The following NCAPH2 variants were observed in gnomAD, a reference collection of about 807,000 sequenced individuals.
NCAPH2 encodes condensin-2 complex subunit H2.
A neutral mutation model predicts 88.6 loss-of-function variants in NCAPH2; 56 were observed. The ratio of observed to expected loss-of-function variants is 0.63; its 90% CI spans 0.51 to 0.79. The LOEUF (loss-of-function observed/expected upper bound fraction) is 0.79, where lower values mean the gene tolerates loss of function less well. NCAPH2 is among the 30% of genes least tolerant of loss of function. The pLI, the probability that NCAPH2 is intolerant of heterozygous loss-of-function variation, is 0.00. For missense variants in NCAPH2, 794 were observed against 792.0 expected, an observed-to-expected ratio of 1.00 and a Z score of -0.03; for synonymous variants, 378 against 313.6, an observed-to-expected ratio of 1.21 and a Z score of -2.17.
In NCAPH2 at chr22:50,523,686, G is replaced by A; in HGVS notation, c.*311G>A. On this transcript the variant is annotated 3_prime_UTR_variant, in exon 20 of 20. Transcript: ENST00000420993. ...AGATCTGCTCAGCCGATCTGCTCCG[G>A]CCGTAGTAATCCGTGAAGAGGCCGT... 1 of 1,614,150 alleles carries A rather than the reference G, an allele frequency of 6.2e-7. No individual in the cohort carries two copies. The highest frequency in any genetic ancestry group is 8.5e-7 in the Non-Finnish European group (1 of 1,180,024).
Position 50,523,402 on chromosome 22 carries a change from G to A in NCAPH2, c.*27G>A. On this transcript the variant is annotated 3_prime_UTR_variant, in exon 20 of 20. Transcript: ENST00000420993. ...TGGGGAGCACCGAGGCAGGGGTGGGGGAATGTGTACTGAGGAGCCGTGTGT... is the reference window on the plus strand; with the variant it reads ...TGGGGAGCACCGAGGCAGGGGTGGGAGAATGTGTACTGAGGAGCCGTGTGT... 1.3e-6 allele frequency: 2 copies of A among 1,531,820 alleles called. No individual in the cohort carries two copies. Among genetic ancestry groups the A allele is most frequent in the East Asian group, 4.9e-5 (2 of 40,730 alleles). 94.9% of individuals were successfully genotyped at this position (1,531,820 alleles called of 1,614,324 possible).
chr22:50,516,666 A>G (rs1486202095), intron 2 of NCAPH2, 118 bp downstream of exon 2: 1 of 831,368 alleles, frequency 1.2e-6, no homozygotes, highest in South Asian at 1.5e-5. Context: ...CTCTCTCCTC[A>G]GGTCTCAGCC....
rs796957215 is a variant in NCAPH2 at position 50,521,436 on chromosome 22, A to AC, written c.934-102dup. Reference sequence around the variant, plus strand: ...TCCTCCTTTGGGAGCGCGGCTGTGTACCCCCTACTCTTCCTTTGGGAGGGT... The same window carrying AC: ...TCCTCCTTTGGGAGCGCGGCTGTGTACCCCCCTACTCTTCCTTTGGGAGGGT... On this transcript the variant is annotated intron_variant, in intron 10 of 19. Coordinates refer to ENST00000420993, the MANE Select transcript of NCAPH2 (RefSeq NM_152299.4). 24 of 1,172,658 alleles carry AC rather than the reference A, an allele frequency of 2.0e-5. No homozygotes were observed. In the African/African-American group the frequency reaches 3.8e-4, roughly 19 times the overall value. 72.6% of individuals were successfully genotyped at this position (1,172,658 alleles called of 1,614,324 possible).
chr22:50,524,190 G>T lies in NCAPH2; in HGVS notation c.*815G>T, dbSNP rs770740636. 6.2e-7 allele frequency: 1 copy of T among 1,609,152 alleles called. No individual in the cohort carries two copies. Among genetic ancestry groups the T allele is most frequent in the Non-Finnish European group, 8.5e-7 (1 of 1,179,938 alleles). On this transcript the variant is annotated 3_prime_UTR_variant, in exon 20 of 20. Transcript: ENST00000420993. ...CCTTCTCAGCCCTCAGGGCCAGCCAGGCCCCACCGAGTCCAGCCCCGAACA... is the reference window on the plus strand; with the variant it reads ...CCTTCTCAGCCCTCAGGGCCAGCCATGCCCCACCGAGTCCAGCCCCGAACA...
Position 50,524,665 on chromosome 22 carries a change from C to A in NCAPH2, c.*1290C>A, listed in dbSNP as rs1435426639. The A allele has an allele frequency of 1.2e-5, 8 of 688,712 alleles. No individual in the cohort carries two copies. The East Asian group carries it at 2.3e-4, about 20-fold the overall frequency. 42.7% of individuals were successfully genotyped at this position (688,712 alleles called of 1,614,324 possible). On this transcript the variant is annotated 3_prime_UTR_variant, in exon 20 of 20. Transcript: ENST00000420993. ...ATCACCAGCCTGTCACCGCACCCTG[C>A]CCTGCACCTGCACCTCAGCAAGGTG... is the stretch of plus-strand genomic sequence containing the variant.
intron 1 of NCAPH2, among the ~76,000 whole-genome samples, chr22:50,509,924 T>TTTTA (rs1466459013): frequency 1.3e-5 from 2 of 152,130 alleles, no homozygotes; most frequent in Non-Finnish European, 2.9e-5. Flanking sequence ...TCTTTTTTGT[T>TTTTA]TTTATTTATT....
chr22:50,522,985 C>T, intron 18 of NCAPH2, 32 bp from the exon 19 acceptor site: 21 of 1,607,524 alleles, frequency 1.3e-5, no homozygotes, highest in Non-Finnish European at 1.8e-5. Flanking sequence ...CCTTGCCTCT[C>T]TCCGCAGCCA....
chr22:50,517,182 C>T (rs754647443), intron 2 of NCAPH2, among the ~76,000 whole-genome samples: 10 of 152,228 alleles, frequency 6.6e-5, no homozygotes, highest in South Asian at 4.1e-4. Context: ...GAGAAGGCCA[C>T]GCTCGCGGCT....
rs1355013132 is a variant in NCAPH2 at position 50,522,461 on chromosome 22, T to C, written c.1307-40T>C. Reference sequence around the variant, plus strand: ...GGGGTGGGGCTTGGCACCTGCCGACTAGCTGCCTGCGTGCTGTTCACTCTC... The same window carrying C: ...GGGGTGGGGCTTGGCACCTGCCGACCAGCTGCCTGCGTGCTGTTCACTCTC... On this transcript the variant is annotated intron_variant, in intron 15 of 19. Transcript: ENST00000420993. The C allele has an allele frequency of 2.5e-6, 4 of 1,613,246 alleles. No homozygotes were observed. In the African/African-American group the frequency reaches 4.0e-5, roughly 16 times the overall value.
Position 50,521,873 on chromosome 22 carries a change from G to A in NCAPH2, c.1108+25G>A, listed in dbSNP as rs111552239. On this transcript the variant is annotated intron_variant, in intron 12 of 19. Coordinates refer to ENST00000420993, the MANE Select transcript of NCAPH2 (RefSeq NM_152299.4). ...TGTGAGTGGGTGTGGTGTGCACTCCGGACCACTGGGAGCTGGGGGCTGGGC... is the reference window on the plus strand; with the variant it reads ...TGTGAGTGGGTGTGGTGTGCACTCCAGACCACTGGGAGCTGGGGGCTGGGC... The A allele has an allele frequency of 1.5e-3, 2,427 of 1,613,100 alleles. 1 individual carries two copies. Among genetic ancestry groups the A allele is most frequent in the Non-Finnish European group, 1.9e-3 (2,265 of 1,179,396 alleles).
At position 50,521,542 on chromosome 22, in the gene NCAPH2, G is replaced by C; in HGVS notation, c.934-1G>C. 1 of 1,613,536 alleles carries C rather than the reference G, an allele frequency of 6.2e-7. No individual in the cohort carries two copies. The highest frequency in any genetic ancestry group is 8.5e-7 in the Non-Finnish European group (1 of 1,179,996). On this transcript the variant is annotated splice_acceptor_variant, in intron 10 of 19. Transcript: ENST00000420993. LOFTEE classifies it high-confidence loss of function. ...AGCGCCTTCTTGTGCTCTGTGCCCA[G>C]GAGACTCCAGACCCCTGGCAGAGCC... is the stretch of plus-strand genomic sequence containing the variant.
chr22:50,522,635 C>T (rs1168907635), intron 16 of NCAPH2, 36 bp from the exon 17 acceptor site: 8 of 1,613,462 alleles, frequency 5.0e-6, no homozygotes, highest in Non-Finnish European at 6.8e-6. Context: ...AGAGCGTGGC[C>T]CCTTAGCTGC....
rs569448391 is a variant in NCAPH2, at chr22:50,517,803, G to A, written c.414G>A (p.Thr138=). 165 of 1,613,702 alleles carry A rather than the reference G, an allele frequency of 1.0e-4. No individual in the cohort carries two copies. Among genetic ancestry groups the A allele is most frequent in the East Asian group, 1.8e-4 (8 of 44,892 alleles). The change falls in exon 5 of 20, where the codon ACG becomes ACA. Residue 138 remains threonine (T), a synonymous_variant. Transcript: ENST00000420993. ...ACGTGGATCTCAAGAATGATCAGAC[G>A]CCCAGTGTGAGTCCTGGCCTGGCCC... ...RTNVDLKNDQ[T]PSEVLIIPLL...
At chr22:50,522,124 G>A in intron 13 of NCAPH2, 57 bp from the exon 14 acceptor site, 1 of 1,611,672 alleles carries the variant, frequency 6.2e-7, no homozygotes, top group Non-Finnish European at 8.5e-7. Context: ...AGCCTTGGGT[G>A]GACTGGCACG....
chr22:50,517,373 C>T (rs1050311517), intron 2 of NCAPH2, 54 bp from the exon 3 acceptor site: 1 of 1,593,980 alleles, frequency 6.3e-7, no homozygotes, highest in Non-Finnish European at 8.6e-7. Flanking sequence ...CTGGGAAGGC[C>T]TTGGGGGTGG....
chr22:50,510,665 G>C (rs2068757968), intron 1 of NCAPH2, among the ~76,000 whole-genome samples: 1 of 152,010 alleles, frequency 6.6e-6, no homozygotes, highest in Non-Finnish European at 1.5e-5. Flanking sequence ...GACCTCAGGT[G>C]ATCCAGCCAG....
chr22:50,519,364 G>A (rs749685136), intron 9 of NCAPH2, 44 bp downstream of exon 9: 3 of 1,605,944 alleles, frequency 1.9e-6, no homozygotes, highest in Admixed American at 3.4e-5. Flanking sequence ...CTGTGAACTG[G>A]CAACCCTGGC....
At chr22:50,516,403 G>A (rs1226526489) in intron 1 of NCAPH2, 44 bp from the exon 2 acceptor site, 1 of 1,594,968 alleles carries the variant, frequency 6.3e-7, no homozygotes, top group African/African-American at 1.3e-5. Flanking sequence ...AGCGAGTGCA[G>A]ACTGGGCCTT....
At position 50,523,941 on chromosome 22, in the gene NCAPH2, C is replaced by T. The variant is rs889643573; in HGVS notation, c.*566C>T. ...TGATGAAGACAGGCTGCACTGGAGG[C>T]AAACCAGGCTCTGCTTCCAGCTGCC... On this transcript the variant is annotated 3_prime_UTR_variant, in exon 20 of 20. Transcript: ENST00000420993. 3.1e-6 allele frequency: 5 copies of T among 1,612,566 alleles called. No individual in the cohort carries two copies. The highest frequency in any genetic ancestry group is 4.2e-6 in the Non-Finnish European group (5 of 1,179,026).
Sources: allele counts gnomAD v4.1 joint callset (sites outside exome capture counted in the v4.1 genomes callset), GRCh38; gene constraint gnomAD v4.1.1; transcripts MANE v1.5; gene names NCBI Gene and HGNC (gene_info 2026-07-23, HGNC 2026-07-21).